Variants in OR51B5 observed in about 807,000 individuals in gnomAD.
OR51B5 encodes olfactory receptor family 51 subfamily B member 5, also known as olfactory receptor 51B5.
For missense variants in OR51B5, 456 were observed against 374.6 expected (o/e 1.22, Z -1.79); for synonymous variants, 186 against 144.8 (o/e 1.28, Z -2.04).
chr11:5,368,949 G>A (rs1389860617), intron 1 of OR51B5, among the ~76,000 whole-genome samples: 1 of 152,146 alleles, frequency 6.6e-6, no homozygotes. Context: ...CATGCTTACA[G>A]ATCTGATTAC....
intron 1 of OR51B5, among the ~76,000 whole-genome samples, chr11:5,425,148 G>A (rs1850429680): frequency 1.3e-5 from 2 of 151,894 alleles, no homozygotes; most frequent in Non-Finnish European, 2.9e-5. Context: ...AATGGAAGAT[G>A]TGCATTCTCA....
rs1564808746 is a variant in OR51B5, at chr11:5,422,889, CA to C, written n.85-75980del. Reference sequence around the variant, plus strand: ...CTTATTCTGAAAAATATCTTGGGCACAGCCACCTGGGCTGAGCGACTCCGTG... The same window carrying C: ...CTTATTCTGAAAAATATCTTGGGCACGCCACCTGGGCTGAGCGACTCCGTG... On this transcript the variant is annotated intron_variant and non_coding_transcript_variant, in intron 1 of 4. Coordinates refer to the OR51B5 transcript ENST00000415970. 1.9e-6 allele frequency: 3 copies of C among 1,614,084 alleles called. No homozygotes were observed. The South Asian group carries it at 3.3e-5, about 18-fold the overall frequency.
intron 1 of OR51B5, among the ~76,000 whole-genome samples, chr11:5,377,753 A>G (rs1849549344): frequency 6.7e-6 from 1 of 149,178 alleles, no homozygotes; most frequent in African/African-American, 2.5e-5. Flanking sequence ...CCAACTTACA[A>G]GGGATGTGAA....
chr11:5,342,206 CTA>C (rs970476374), downstream of OR51B5, among the ~76,000 whole-genome samples: 2 of 152,158 alleles, frequency 1.3e-5, no homozygotes, highest in African/African-American at 4.8e-5. Context: ...AAACCAAACT[CTA>C]TTCCATTTCA....
chr11:5,351,410 A>G, intron 1 of OR51B5: 2 of 835,000 alleles, frequency 2.4e-6, no homozygotes, highest in South Asian at 3.6e-5. Context: ...ACTGGTGAAC[A>G]TCTTATGAAC....
intron 1 of OR51B5, among the ~76,000 whole-genome samples, chr11:5,361,860 G>C (rs2736554): frequency 6.6e-6 from 1 of 151,794 alleles, no homozygotes; most frequent in Non-Finnish European, 1.5e-5. Flanking sequence ...TGCTCTCTTC[G>C]GGCTGCATAA....
intron 1 of OR51B5, among the ~76,000 whole-genome samples, chr11:5,396,829 C>G (rs1048845315): frequency 2.0e-5 from 3 of 152,174 alleles, no homozygotes; most frequent in African/African-American, 7.2e-5. Flanking sequence ...GTAACCAAAA[C>G]AGCATAGTAC....
At chr11:5,361,760 G>C (rs1292166861) in intron 1 of OR51B5, among the ~76,000 whole-genome samples, 1 of 58,896 alleles carries the variant, frequency 1.7e-5, no homozygotes, top group Non-Finnish European at 4.1e-5. Flanking sequence ...GATCTAGTTA[G>C]GAAAAAATCA....
intron 1 of OR51B5, chr11:5,352,174 G>A (rs1456886518): frequency 5.0e-6 from 8 of 1,614,170 alleles, no homozygotes; most frequent in South Asian, 3.3e-5. Context: ...TCTCAAGACT[G>A]TCATGGGCAT....
intron 1 of OR51B5, among the ~76,000 whole-genome samples, chr11:5,379,411 G>A (rs1176677844): frequency 1.3e-5 from 2 of 151,614 alleles, no homozygotes; most frequent in East Asian, 1.9e-4. Flanking sequence ...GTATACATAT[G>A]TAACTAACCG....
downstream of OR51B5, chr11:5,342,482 T>C: frequency 7.3e-7 from 1 of 1,368,266 alleles, no homozygotes. Context: ...AACACCTATT[T>C]TACCAAGTCA....
chr11:5,379,989 T>TTAAA (rs35958691), intron 1 of OR51B5, among the ~76,000 whole-genome samples: 29 of 145,658 alleles, frequency 2.0e-4, no homozygotes, highest in African/African-American at 7.3e-4. Flanking sequence ...AACAAAACTT[T>TTAAA]AAAAAAAAAA....
At chr11:5,376,695 A>T (rs930529876) in intron 1 of OR51B5, among the ~76,000 whole-genome samples, 2 of 152,082 alleles carry the variant, frequency 1.3e-5, no homozygotes, top group Non-Finnish European at 2.9e-5. Flanking sequence ...TACGCAAATA[A>T]ACTAGAAAAT....
Position 5,501,258 on chromosome 11 carries a change from T to C in OR51B5, n.84+4311A>G, listed in dbSNP as rs140045656. On this transcript the variant is annotated intron_variant and non_coding_transcript_variant, in intron 1 of 4. Transcript: ENST00000415970. ...TGGCTATACTAACCTATGCCTGGGCTACAATAAGAACTCCCACCAAAAGAG... is the reference window on the plus strand; with the variant it reads ...TGGCTATACTAACCTATGCCTGGGCCACAATAAGAACTCCCACCAAAAGAG... Among the ~76,000 whole-genome samples, 267 of 147,944 alleles carry C rather than the reference T, an allele frequency of 1.8e-3. 4 individuals carry two copies. The highest frequency in any genetic ancestry group is 6.9e-3 in the Middle Eastern group (2 of 288).
At chr11:5,420,393 A>G (rs2471991) in intron 1 of OR51B5, among the ~76,000 whole-genome samples, 19,255 of 152,044 alleles carry the variant, frequency 0.13, 1,327 homozygotes, top group East Asian at 0.24. Flanking sequence ...ATGCAGTTGA[A>G]CATTGTTTTA....
chr11:5,472,159 G>A (rs1851238816), intron 1 of OR51B5, among the ~76,000 whole-genome samples: 4 of 152,168 alleles, frequency 2.6e-5, no homozygotes, highest in African/African-American at 9.7e-5. Context: ...GAACCACACA[G>A]TGAAGCTCCA....
At chr11:5,395,526 G>A (rs948187372) in intron 1 of OR51B5, among the ~76,000 whole-genome samples, 2 of 152,214 alleles carry the variant, frequency 1.3e-5, no homozygotes, top group African/African-American at 4.8e-5. Context: ...GGGGAAGACA[G>A]ATCTGGACTT....
At chr11:5,460,703 G>A (rs970671768) in intron 1 of OR51B5, among the ~76,000 whole-genome samples, 3 of 152,176 alleles carry the variant, frequency 2.0e-5, no homozygotes, top group Non-Finnish European at 4.4e-5. Context: ...CTCTGCGTTG[G>A]CTGATGTTCC....
At chr11:5,343,667 C>T (rs1327900215), upstream of OR51B5, 2 of 535,244 alleles carry the variant, frequency 3.7e-6, no homozygotes, top group Non-Finnish European at 6.5e-6. Flanking sequence ...GTGATTGTTT[C>T]TCAAAATACA....
Sources: allele counts gnomAD v4.1 joint callset (sites outside exome capture counted in the v4.1 genomes callset), GRCh38; gene constraint gnomAD v4.1.1; transcripts MANE v1.5; gene names NCBI Gene and HGNC (gene_info 2026-07-23, HGNC 2026-07-21).